Variants in PPP2CA observed in about 807,000 individuals in gnomAD.
PPP2CA encodes the protein protein phosphatase 2 catalytic subunit alpha.
A neutral mutation model predicts 38.8 loss-of-function variants in PPP2CA; 5 were observed. That is an observed-to-expected ratio of 0.13 (90% CI 0.07 to 0.27). The LOEUF (loss-of-function observed/expected upper bound fraction) is 0.27. Among genes scored for constraint, PPP2CA ranks in the 10% least tolerant of loss-of-function variants. PPP2CA has a pLI of 1.00. For synonymous variants in PPP2CA, 152 were observed against 134.0 expected (o/e 1.13, Z -0.93); for missense variants, 88 against 389.7 (o/e 0.23, Z 6.52).
intron 6 of PPP2CA, 138 bp downstream of exon 6, chr5:134,198,947 GC>G: frequency 1.5e-6 from 1 of 654,328 alleles, no homozygotes; most frequent in East Asian, 2.7e-5. Flanking sequence ...ACTCTAGGAG[GC>G]CAAGGTGAAA....
intron 1 of PPP2CA, among the ~76,000 whole-genome samples, chr5:134,208,437 T>C (rs528853543): frequency 6.6e-6 from 1 of 152,318 alleles, no homozygotes; most frequent in South Asian, 2.1e-4. Flanking sequence ...TAGTAATACA[T>C]TCTTGTAAAA....
chr5:134,222,990 G>C (rs1003979570), intron 1 of PPP2CA, among the ~76,000 whole-genome samples: 2 of 151,956 alleles, frequency 1.3e-5, no homozygotes, highest in Non-Finnish European at 2.9e-5. Flanking sequence ...ATTGTTGATG[G>C]GTTAACAAAA....
intron 1 of PPP2CA, among the ~76,000 whole-genome samples, chr5:134,220,658 T>C (rs925526779): frequency 1.3e-5 from 2 of 152,120 alleles, no homozygotes; most frequent in African/African-American, 4.8e-5. Flanking sequence ...CTCTCCTCAG[T>C]ACCCTGATAA....
chr5:134,207,420 A>T (rs565381797), intron 1 of PPP2CA, among the ~76,000 whole-genome samples: 1 of 152,108 alleles, frequency 6.6e-6, no homozygotes, highest in Admixed American at 6.6e-5. Context: ...AAAAACAAAA[A>T]CACCAATGCC....
chr5:134,201,738 TAA>T, intron 3 of PPP2CA, 108 bp downstream of exon 3: 1 of 1,210,604 alleles, frequency 8.3e-7, no homozygotes, highest in Non-Finnish European at 1.1e-6. Context: ...CAATATCTAT[TAA>T]AAAATATCCC....
chr5:134,215,483 G>C (rs917235884), intron 1 of PPP2CA, among the ~76,000 whole-genome samples: 1 of 152,206 alleles, frequency 6.6e-6, no homozygotes, highest in Non-Finnish European at 1.5e-5. Context: ...GCTGAGGCAG[G>C]AGAATCGCTT....
Position 134,226,016 on chromosome 5 carries a change from C to G in PPP2CA, c.-155G>C. 1 of 590,490 alleles carries G rather than the reference C, an allele frequency of 1.7e-6. No homozygotes were observed. Among genetic ancestry groups the G allele is most frequent in the Non-Finnish European group, 2.8e-6 (1 of 351,564 alleles). 36.6% of individuals were successfully genotyped at this position (590,490 alleles called of 1,614,324 possible). On this transcript the variant is annotated 5_prime_UTR_variant, in exon 1 of 7. Transcript: ENST00000481195. ...CGCTGGCTCTCACCGCAGTACTCGG[C>G]CGTCGGCCGCTGCGCCTCCTCCTCC... is the stretch of plus-strand genomic sequence containing the variant.
At chr5:134,214,115 T>G (rs144443632) in intron 1 of PPP2CA, among the ~76,000 whole-genome samples, 1 of 151,962 alleles carries the variant, frequency 6.6e-6, no homozygotes. Flanking sequence ...TGCAACACAG[T>G]AAGACTCTCT....
chr5:134,225,091 T>A (rs1020186035), intron 1 of PPP2CA, among the ~76,000 whole-genome samples: 4 of 152,174 alleles, frequency 2.6e-5, no homozygotes, highest in African/African-American at 9.7e-5. Flanking sequence ...CTCACCAAAT[T>A]CCCGATTTCT....
rs57520870 is a variant in PPP2CA at position 134,216,557 on chromosome 5, A to AAAAAAAAAG, written c.102+9202_102+9203insCTTTTTTTT. 6.7e-4 allele frequency among the ~76,000 whole-genome samples: 75 copies of AAAAAAAAAG among 111,124 alleles called. 18 individuals are homozygous for AAAAAAAAAG. Among genetic ancestry groups the AAAAAAAAAG allele is most frequent in the Non-Finnish European group, 6.5e-4 (36 of 55,294 alleles). 72.9% of individuals were successfully genotyped at this position (111,124 alleles called of 152,430 possible). On this transcript the variant is annotated intron_variant, in intron 1 of 6. Coordinates refer to ENST00000481195, the MANE Select transcript of PPP2CA (RefSeq NM_002715.4). ...TGCCTCAAAAAAAAAAAAAAAAAAA[A>AAAAAAAAAG]GTGGTTTCCTTCAAAAGAAGGTAGT...
intron 1 of PPP2CA, among the ~76,000 whole-genome samples, chr5:134,208,379 C>T (rs1218829943): frequency 6.6e-6 from 1 of 152,108 alleles, no homozygotes; most frequent in South Asian, 2.1e-4. Flanking sequence ...TCAATTTAGG[C>T]AAATCACACC....
intron 1 of PPP2CA, among the ~76,000 whole-genome samples, chr5:134,213,718 G>C (rs986750861): frequency 7.3e-5 from 11 of 150,900 alleles, no homozygotes; most frequent in Admixed American, 7.3e-4. Context: ...AGGAGTTCAA[G>C]GTTCCAGTGA....
At chr5:134,220,156 A>G (rs1696806695) in intron 1 of PPP2CA, among the ~76,000 whole-genome samples, 1 of 151,766 alleles carries the variant, frequency 6.6e-6, no homozygotes, top group Non-Finnish European at 1.5e-5. Flanking sequence ...CCAAAAGAAA[A>G]TCTATTTAAA....
At position 134,201,042 on chromosome 5, in the gene PPP2CA, A is replaced by C. The variant is rs758638607; in HGVS notation, c.519T>G (p.Ser173=). 1.2e-6 allele frequency: 2 copies of C among 1,613,072 alleles called. No individual in the cohort carries two copies. The highest frequency in any genetic ancestry group is 1.1e-5 in the South Asian group (1 of 91,056). ...IFCLHGGLSP[S]IDTLDHIRAL... ...CTCTGATATGATCCAGTGTATCTAT[A>C]GATGGCGAGAGACCACCATGTAGAC... The change falls in exon 4 of 7, where the codon TCT becomes TCG. Residue 173 remains serine, a synonymous_variant. Coordinates refer to ENST00000481195, the MANE Select transcript of PPP2CA (RefSeq NM_002715.4).
chr5:134,219,542 A>C (rs1003614861), intron 1 of PPP2CA, among the ~76,000 whole-genome samples: 1 of 152,242 alleles, frequency 6.6e-6, no homozygotes, highest in Non-Finnish European at 1.5e-5. Context: ...AAATGACTAA[A>C]CTAAGGCAGA....
intron 1 of PPP2CA, among the ~76,000 whole-genome samples, chr5:134,210,420 T>G (rs768144901): frequency 6.6e-6 from 1 of 152,220 alleles, no homozygotes; most frequent in East Asian, 1.9e-4. Flanking sequence ...AATTAAGAAC[T>G]GAAAGACAAG....
Position 134,223,929 on chromosome 5 carries a change from G to C in PPP2CA, c.102+1831C>G, listed in dbSNP as rs114037298. Reference sequence around the variant, plus strand: ...AAACGGAATTGACTGTATAATCTCAGAACACATTTTAGTTTATAGACAGGA... The same window carrying C: ...AAACGGAATTGACTGTATAATCTCACAACACATTTTAGTTTATAGACAGGA... On this transcript the variant is annotated intron_variant, in intron 1 of 6. Transcript: ENST00000481195. Among the ~76,000 whole-genome samples, 409 of 152,292 alleles carry C rather than the reference G, an allele frequency of 2.7e-3. 1 individual carries two copies. The highest frequency in any genetic ancestry group is 8.8e-3 in the African/African-American group (365 of 41,544).
Position 134,224,237 on chromosome 5 carries a change from C to T in PPP2CA, c.102+1523G>A, listed in dbSNP as rs10044929. The T allele has an allele frequency of 2.4e-3, 1,082 of 453,396 alleles. 9 individuals are homozygous for T. The highest frequency in any genetic ancestry group is 0.016 in the African/African-American group (782 of 50,014). 28.1% of individuals were successfully genotyped at this position (453,396 alleles called of 1,614,324 possible). A position where few individuals can be genotyped will look rare whatever the true frequency, so the allele number is the denominator to read the frequency against. On this transcript the variant is annotated intron_variant, in intron 1 of 6. Transcript: ENST00000481195. ...TTCATTTTTAAAGGCCAATTTTAAACCTTTAAAATAAATACCAACCTCATT... is the reference window on the plus strand; with the variant it reads ...TTCATTTTTAAAGGCCAATTTTAAATCTTTAAAATAAATACCAACCTCATT...
rs1344665306 is a variant in PPP2CA at position 134,196,747 on chromosome 5, C to G, written c.*1025G>C. 1.3e-5 allele frequency: 2 copies of G among 152,216 alleles called. No homozygotes were observed. The highest frequency in any genetic ancestry group is 2.9e-5 in the Non-Finnish European group (2 of 68,030). The allele number at this position is 152,216 out of a possible 1,614,324, so 9.4% of individuals were successfully genotyped here. ...AGTTTAAGCTCTACCTGAAAACATG[C>G]TGTTTTATTAAAACAAAACCCAAAG... On this transcript the variant is annotated 3_prime_UTR_variant, in exon 7 of 7. Transcript: ENST00000481195.
Sources: allele counts gnomAD v4.1 joint callset (sites outside exome capture counted in the v4.1 genomes callset), GRCh38; gene constraint gnomAD v4.1.1; transcripts MANE v1.5; gene names NCBI Gene and HGNC (gene_info 2026-07-23, HGNC 2026-07-21).